Variants in ZNRF1 observed in about 807,000 individuals in gnomAD.
ZNRF1 encodes E3 ubiquitin-protein ligase ZNRF1.
Under a neutral mutation model 18.4 loss-of-function variants are expected in ZNRF1, and 3 were observed. That is an observed-to-expected ratio of 0.16 (90% CI 0.07 to 0.42). The LOEUF (loss-of-function observed/expected upper bound fraction) is 0.42. Among genes scored for constraint, ZNRF1 ranks in the 10% least tolerant of loss-of-function variants. ZNRF1 has a pLI of 0.99. For synonymous variants in ZNRF1, 157 were observed against 144.2 expected, an observed-to-expected ratio of 1.09 and a Z score of -0.64; for missense variants, 310 against 329.8, an observed-to-expected ratio of 0.94 and a Z score of 0.47.
At chr16:75,043,892 C>G (rs1202889867) in intron 1 of ZNRF1, among the ~76,000 whole-genome samples, 1 of 151,080 alleles carries the variant, frequency 6.6e-6, no homozygotes, top group African/African-American at 2.4e-5. Context: ...CTGGTTCAAG[C>G]CATTCTCCTG....
chr16:75,017,689 T>C (rs2035090083), intron 1 of ZNRF1, among the ~76,000 whole-genome samples: 1 of 152,222 alleles, frequency 6.6e-6, no homozygotes, highest in South Asian at 2.1e-4. Flanking sequence ...TATCCTTATG[T>C]GAACAGAAAT....
chr16:75,103,909 C>G (rs1427979027), intron 2 of ZNRF1, among the ~76,000 whole-genome samples: 1 of 151,990 alleles, frequency 6.6e-6, no homozygotes, highest in African/African-American at 2.4e-5. Context: ...CACTTGAACC[C>G]AGGAGGCGGG....
intron 1 of ZNRF1, among the ~76,000 whole-genome samples, chr16:75,031,181 G>A (rs2035298171): frequency 6.6e-6 from 1 of 150,590 alleles, no homozygotes; most frequent in Admixed American, 6.6e-5. Flanking sequence ...GCCCAGGCTG[G>A]AGTGAACTGG....
At chr16:75,017,813 C>G (rs189461003) in intron 1 of ZNRF1, among the ~76,000 whole-genome samples, 1 of 152,174 alleles carries the variant, frequency 6.6e-6, no homozygotes, top group Admixed American at 6.5e-5. Flanking sequence ...CAGGATGACA[C>G]AAGAATGGCT....
chr16:75,104,894 G>A lies in ZNRF1; in HGVS notation c.626+5G>A. 6.3e-7 allele frequency: 1 copy of A among 1,591,810 alleles called. No homozygotes were observed. The highest frequency in any genetic ancestry group is 8.6e-7 in the Non-Finnish European group (1 of 1,169,466). On this transcript the variant is annotated splice_donor_5th_base_variant and intron_variant, in intron 3 of 4. Coordinates refer to ENST00000335325, the MANE Select transcript of ZNRF1 (RefSeq NM_032268.5). ...CCTGTGCATCTATCACAAAAGGTAG[G>A]AGGGGTTGGCAAGGTAGCTTAGTGC...
chr16:75,110,845 G>A lies in ZNRF1; in HGVS notation c.*3145G>A, dbSNP rs1194759289. ...GTGGCTGGCTGGCTGGCTGGAAGGG[G>A]AGGGGCGAGAGGGCTGTCTCGGTGA... On this transcript the variant is annotated 3_prime_UTR_variant, in exon 5 of 5. Coordinates refer to ENST00000335325, the MANE Select transcript of ZNRF1 (RefSeq NM_032268.5). 1 of 152,368 alleles carries A rather than the reference G, an allele frequency of 6.6e-6. No homozygotes were observed. Among genetic ancestry groups the A allele is most frequent in the African/African-American group, 2.4e-5 (1 of 41,394 alleles). 9.4% of individuals were successfully genotyped at this position (152,368 alleles called of 1,614,324 possible).
chr16:75,039,004 T>G (rs2035408361), intron 1 of ZNRF1, among the ~76,000 whole-genome samples: 1 of 152,210 alleles, frequency 6.6e-6, no homozygotes, highest in African/African-American at 2.4e-5. Flanking sequence ...ATCTCTGTGT[T>G]AAGCACAGCA....
At position 74,999,585 on chromosome 16, in the gene ZNRF1, T is replaced by C; in HGVS notation, c.-87T>C. On this transcript the variant is annotated 5_prime_UTR_variant, in exon 1 of 5. Transcript: ENST00000335325. ...TCTCCTTTTTGACTCCCTCCCCCTT[T>C]ATGCTCGCCCAGCCCTCCCCCTGCT... The C allele has an allele frequency of 9.6e-7, 1 of 1,041,352 alleles. No homozygotes were observed. The highest frequency in any genetic ancestry group is 1.3e-6 in the Non-Finnish European group (1 of 799,246). 64.5% of individuals were successfully genotyped at this position (1,041,352 alleles called of 1,614,324 possible).
At chr16:75,011,613 C>T (rs2035001390) in intron 1 of ZNRF1, among the ~76,000 whole-genome samples, 1 of 152,174 alleles carries the variant, frequency 6.6e-6, no homozygotes, top group Non-Finnish European at 1.5e-5. Flanking sequence ...TATTAGATTT[C>T]CTCAACTCTG....
rs2036361562 is a variant in ZNRF1 at position 75,109,875 on chromosome 16, C to T, written c.*2175C>T. The T allele has an allele frequency of 6.6e-6, 1 of 152,390 alleles. No individual in the cohort carries two copies. The highest frequency in any genetic ancestry group is 6.5e-5 in the Admixed American group (1 of 15,296). 9.4% of individuals were successfully genotyped at this position (152,390 alleles called of 1,614,324 possible). On this transcript the variant is annotated 3_prime_UTR_variant, in exon 5 of 5. Coordinates refer to ENST00000335325, the MANE Select transcript of ZNRF1 (RefSeq NM_032268.5). Reference sequence around the variant, plus strand: ...ACTGTTCTATTCACAGCACCTCCTGCTTCTGCCTGGCAACTGTGTCTCCCT... The same window carrying T: ...ACTGTTCTATTCACAGCACCTCCTGTTTCTGCCTGGCAACTGTGTCTCCCT...
chr16:75,059,603 C>A (rs1248884751), intron 1 of ZNRF1, among the ~76,000 whole-genome samples: 3 of 151,728 alleles, frequency 2.0e-5, no homozygotes, highest in Non-Finnish European at 4.4e-5. Flanking sequence ...TCGTAGGAAC[C>A]GGTTTTTCAG....
intron 1 of ZNRF1, among the ~76,000 whole-genome samples, chr16:75,015,062 A>G (rs925013812): frequency 6.6e-6 from 1 of 152,070 alleles, no homozygotes; most frequent in Non-Finnish European, 1.5e-5. Context: ...CTTTGTTGTC[A>G]TATGTAATGT....
At chr16:75,036,547 A>G (rs949119267) in intron 1 of ZNRF1, among the ~76,000 whole-genome samples, 4 of 146,766 alleles carry the variant, frequency 2.7e-5, no homozygotes, top group East Asian at 2.0e-4. Flanking sequence ...TTTGTTTCCT[A>G]TCCAATACTT....
intron 1 of ZNRF1, among the ~76,000 whole-genome samples, chr16:75,029,746 G>A (rs2145347568): frequency 6.6e-6 from 1 of 151,764 alleles, no homozygotes; most frequent in East Asian, 1.9e-4. Context: ...TCTAGCCTGG[G>A]TAACAGAGCG....
chr16:75,029,090 T>TG (rs1555510425), intron 1 of ZNRF1, among the ~76,000 whole-genome samples: 17 of 151,422 alleles, frequency 1.1e-4, no homozygotes, highest in African/African-American at 4.1e-4. Context: ...TTTTTTTTTT[T>TG]GCTACAACTC....
At chr16:75,098,404 C>G (rs770686870) in intron 2 of ZNRF1, among the ~76,000 whole-genome samples, 1 of 152,116 alleles carries the variant, frequency 6.6e-6, no homozygotes, top group Non-Finnish European at 1.5e-5. Context: ...TGCGGGTGGC[C>G]CAGCTCACCA....
chr16:75,072,092 G>A (rs80324428), intron 1 of ZNRF1, among the ~76,000 whole-genome samples: 1,567 of 151,510 alleles, frequency 0.01, 14 homozygotes, highest in South Asian at 0.032. Flanking sequence ...AGTGCATGCC[G>A]CCACGCCCAG....
chr16:75,079,154 C>T (rs566910746), intron 1 of ZNRF1, among the ~76,000 whole-genome samples: 1 of 152,252 alleles, frequency 6.6e-6, no homozygotes, highest in East Asian at 1.9e-4. Context: ...TGGTCCTTCT[C>T]GTTCGTGCTT....
chr16:75,108,158 C>T lies in ZNRF1; in HGVS notation c.*458C>T, dbSNP rs1196423754. 5.3e-6 allele frequency: 1 copy of T among 189,472 alleles called. No homozygotes were observed. Among genetic ancestry groups the T allele is most frequent in the African/African-American group, 2.4e-5 (1 of 41,870 alleles). The allele number at this position is 189,472 out of a possible 1,614,324, so 11.7% of individuals were successfully genotyped here. ...CCAGCCTTCTGACGGCGGGCGAGCA[C>T]ACGGTCTCTTCCCCTGCCCCAACTG... On this transcript the variant is annotated 3_prime_UTR_variant, in exon 5 of 5. Coordinates refer to ENST00000335325, the MANE Select transcript of ZNRF1 (RefSeq NM_032268.5).
Sources: allele counts gnomAD v4.1 joint callset (sites outside exome capture counted in the v4.1 genomes callset), GRCh38; gene constraint gnomAD v4.1.1; transcripts MANE v1.5; gene names NCBI Gene and HGNC (gene_info 2026-07-23, HGNC 2026-07-21).